The following MACROD2 variants were observed in gnomAD, a reference collection of about 807,000 sequenced individuals.
MACROD2 encodes mono-ADP ribosylhydrolase 2, also known as ADP-ribose glycohydrolase MACROD2.
A neutral mutation model predicts 70.4 loss-of-function variants in MACROD2; 36 were observed. The observed-to-expected ratio is 0.51, with a 90% CI of 0.39 to 0.68. The LOEUF is 0.68. Ranked by LOEUF, MACROD2 falls within the 30% of genes least tolerant of loss-of-function variation. The pLI is 0.00. For synonymous variants in MACROD2, 172 were observed against 178.8 expected (o/e 0.96, Z 0.30); for missense variants, 496 against 538.4 (o/e 0.92, Z 0.78).
chr20:15,355,180 A>C (rs1164652012), intron 6 of MACROD2, among the ~76,000 whole-genome samples: 1 of 152,160 alleles, frequency 6.6e-6, no homozygotes, highest in African/African-American at 2.4e-5. Context: ...AGTCATCCGC[A>C]AGACTCTCTT....
rs146156425 is a variant in MACROD2 at position 15,376,619 on chromosome 20, G to C, written c.541-54786G>C. 1.6e-3 allele frequency among the ~76,000 whole-genome samples: 245 copies of C among 152,226 alleles called. 2 individuals carry two copies. The highest frequency in any genetic ancestry group is 5.6e-3 in the African/African-American group (233 of 41,544). On this transcript the variant is annotated intron_variant, in intron 6 of 17. Coordinates refer to ENST00000684519, the MANE Select transcript of MACROD2 (RefSeq NM_001351661.2). ...ACTGTGAGAAAACACTAAACCACTA[G>C]CATTGTCTAATTTGCTACTACAAAA...
intron 13 of MACROD2, among the ~76,000 whole-genome samples, chr20:15,972,334 T>C (rs2066244059): frequency 6.6e-6 from 1 of 152,164 alleles, no homozygotes; most frequent in Non-Finnish European, 1.5e-5. Flanking sequence ...GATTAAAATG[T>C]TTCAATGTGA....
intron 3 of MACROD2, among the ~76,000 whole-genome samples, chr20:14,149,491 C>G (rs1212250542): frequency 6.6e-6 from 1 of 152,122 alleles, no homozygotes; most frequent in Non-Finnish European, 1.5e-5. Flanking sequence ...TTTATTTTCT[C>G]TTGGATATAT....
rs74738800 is a variant in MACROD2 at position 15,738,368 on chromosome 20, G to C, written c.646-124377G>C. Among the ~76,000 whole-genome samples, 755 of 152,222 alleles carry C rather than the reference G, an allele frequency of 5.0e-3. 19 individuals carry two copies. In the East Asian group the frequency reaches 0.1, roughly 20 times the overall value. On this transcript the variant is annotated intron_variant, in intron 8 of 17. Coordinates refer to ENST00000684519, the MANE Select transcript of MACROD2 (RefSeq NM_001351661.2). The stretch of plus-strand genomic sequence containing the variant: ...ACAGAAGTAAAGATTAGAGAATTTA[G>C]AGGACTAGAAAGAGTCAATTGAGGC...
chr20:16,043,185 G>T (rs1227396484), intron 16 of MACROD2, among the ~76,000 whole-genome samples: 1 of 152,058 alleles, frequency 6.6e-6, no homozygotes, highest in Non-Finnish European at 1.5e-5. Flanking sequence ...ATTGGAGGTT[G>T]TTGGCCTAGA....
At chr20:15,680,181 T>C (rs1439267944) in intron 8 of MACROD2, among the ~76,000 whole-genome samples, 2 of 152,210 alleles carry the variant, frequency 1.3e-5, no homozygotes, top group Admixed American at 6.5e-5. Flanking sequence ...GGCTTTAGCA[T>C]TGGATATCAC....
intron 4 of MACROD2, among the ~76,000 whole-genome samples, chr20:14,651,381 A>G (rs1349817562): frequency 6.6e-6 from 1 of 152,170 alleles, no homozygotes; most frequent in Non-Finnish European, 1.5e-5. Flanking sequence ...ACCCTGATAT[A>G]ATAGGGGACC....
chr20:16,012,919 C>A (rs551588535), intron 15 of MACROD2, among the ~76,000 whole-genome samples: 14 of 152,212 alleles, frequency 9.2e-5, no homozygotes, highest in African/African-American at 3.1e-4. Context: ...CAGTGACTCA[C>A]GCCTGTAATC....
intron 8 of MACROD2, 40 bp downstream of exon 8, chr20:15,499,887 G>A (rs753998281): frequency 3.8e-6 from 6 of 1,581,918 alleles, no homozygotes; most frequent in Non-Finnish European, 5.2e-6. Flanking sequence ...CCAAGATGAT[G>A]TAATTTGATG....
chr20:15,035,375 G>A (rs1164960452), intron 5 of MACROD2, among the ~76,000 whole-genome samples: 2 of 152,106 alleles, frequency 1.3e-5, no homozygotes, highest in Non-Finnish European at 2.9e-5. Context: ...CTGCACTGAA[G>A]CCTGGGCAAC....
intron 5 of MACROD2, among the ~76,000 whole-genome samples, chr20:14,729,675 C>A (rs763613287): frequency 6.6e-6 from 1 of 152,086 alleles, no homozygotes; most frequent in Non-Finnish European, 1.5e-5. Flanking sequence ...CTTTAAGGTT[C>A]TCTTGGGTGA....
chr20:15,855,543 G>T lies in MACROD2; in HGVS notation c.646-7202G>T, dbSNP rs138105717. On this transcript the variant is annotated intron_variant, in intron 8 of 17. Transcript: ENST00000684519. Reference sequence around the variant, plus strand: ...AACCTTTAAAAAAATTCTTATTGAAGTATAACATACAGAAAAGAACACAGT... The same window carrying T: ...AACCTTTAAAAAAATTCTTATTGAATTATAACATACAGAAAAGAACACAGT... Among the ~76,000 whole-genome samples, 232 of 152,186 alleles carry T rather than the reference G, an allele frequency of 1.5e-3. 1 individual carries two copies. The highest frequency in any genetic ancestry group is 5.4e-3 in the African/African-American group (225 of 41,510).
In MACROD2 at chr20:15,206,539, A is replaced by T. The variant is rs117651354; in HGVS notation, c.419-23401A>T. 3.8e-4 allele frequency among the ~76,000 whole-genome samples: 58 copies of T among 151,942 alleles called. No individual in the cohort carries two copies. In the East Asian group the frequency reaches 9.3e-3, roughly 24 times the overall value. On this transcript the variant is annotated intron_variant, in intron 5 of 17. Transcript: ENST00000684519. ...ATCACATCAGAAAGCATTTTATATTAAGTAATTTTTATTGTTCTATTTTCC... is the reference window on the plus strand; with the variant it reads ...ATCACATCAGAAAGCATTTTATATTTAGTAATTTTTATTGTTCTATTTTCC...
intron 8 of MACROD2, among the ~76,000 whole-genome samples, chr20:15,781,796 G>A (rs756104046): frequency 6.6e-6 from 1 of 152,108 alleles, no homozygotes; most frequent in South Asian, 2.1e-4. Context: ...GATGATACCC[G>A]AGCTACACTT....
chr20:15,438,004 C>A (rs573009590), intron 7 of MACROD2, among the ~76,000 whole-genome samples: 1 of 151,956 alleles, frequency 6.6e-6, no homozygotes, highest in Non-Finnish European at 1.5e-5. Context: ...TATATTCCAA[C>A]AAAAATTAGC....
intron 5 of MACROD2, among the ~76,000 whole-genome samples, chr20:15,184,722 C>T (rs1290019870): frequency 3.9e-5 from 6 of 152,198 alleles, no homozygotes; most frequent in Non-Finnish European, 7.3e-5. Context: ...CTGGGAAATG[C>T]GGTCTTCCCA....
At chr20:14,471,645 G>A (rs2084532096) in intron 3 of MACROD2, among the ~76,000 whole-genome samples, 2 of 152,062 alleles carry the variant, frequency 1.3e-5, no homozygotes, top group Non-Finnish European at 2.9e-5. Context: ...ACTAATTTTT[G>A]TTTCATTGAT....
chr20:14,153,488 C>T (rs1378916987), intron 3 of MACROD2, among the ~76,000 whole-genome samples: 4 of 152,184 alleles, frequency 2.6e-5, no homozygotes, highest in African/African-American at 9.7e-5. Flanking sequence ...ACTGGTTTTA[C>T]AGTTCCAAGA....
chr20:15,838,492 T>G (rs1400309514), intron 8 of MACROD2, among the ~76,000 whole-genome samples: 1 of 152,212 alleles, frequency 6.6e-6, no homozygotes, highest in African/African-American at 2.4e-5. Context: ...CACTGCAACT[T>G]AACTTTGTGA....
Sources: allele counts gnomAD v4.1 joint callset (sites outside exome capture counted in the v4.1 genomes callset), GRCh38; gene constraint gnomAD v4.1.1; transcripts MANE v1.5; gene names NCBI Gene and HGNC (gene_info 2026-07-23, HGNC 2026-07-21).